The following ADAMTSL1 variants were observed in gnomAD, a reference collection of about 807,000 sequenced individuals.
The protein encoded by ADAMTSL1 is ADAMTS-like protein 1.
ADAMTSL1 carries 126 observed loss-of-function variants against 201.8 expected under a neutral mutation model. The observed-to-expected ratio is 0.62, with a 90% CI of 0.54 to 0.72. The LOEUF is 0.72. Among genes scored for constraint, ADAMTSL1 ranks in the 30% least tolerant of loss-of-function variants. ADAMTSL1 has a pLI of 0.00. For missense variants in ADAMTSL1, 2,679 were observed against 2,277.8 expected, an observed-to-expected ratio of 1.18 and a Z score of -3.59; for synonymous variants, 1,121 against 903.4, an observed-to-expected ratio of 1.24 and a Z score of -4.32.
At chr9:18,825,703 C>G (rs1202931882) in intron 21 of ADAMTSL1, among the ~76,000 whole-genome samples, 1 of 151,696 alleles carries the variant, frequency 6.6e-6, no homozygotes, top group Admixed American at 6.6e-5. Flanking sequence ...CCACTTGTCC[C>G]ATTTCTCAGT....
At chr9:18,375,956 G>C (rs1161489299) in intron 2 of ADAMTSL1, among the ~76,000 whole-genome samples, 2 of 152,188 alleles carry the variant, frequency 1.3e-5, no homozygotes, top group African/African-American at 4.8e-5. Context: ...CAAACCTCTA[G>C]CTAGCCACAG....
intron 14 of ADAMTSL1, 151 bp from the exon 15 acceptor site, chr9:18,721,385 G>T: frequency 1.9e-6 from 2 of 1,058,296 alleles, no homozygotes; most frequent in Non-Finnish European, 2.7e-6. Context: ...GACAAGATTG[G>T]CAGTCCTGGG....
At chr9:18,782,956 G>A (rs1315901731) in intron 19 of ADAMTSL1, among the ~76,000 whole-genome samples, 1 of 152,184 alleles carries the variant, frequency 6.6e-6, no homozygotes, top group Non-Finnish European at 1.5e-5. Flanking sequence ...CCAAGGGAAG[G>A]GGTTCGGGTT....
At chr9:18,129,091 G>A (rs2131956577) in intron 1 of ADAMTSL1, among the ~76,000 whole-genome samples, 1 of 152,150 alleles carries the variant, frequency 6.6e-6, no homozygotes, top group Admixed American at 6.5e-5. Flanking sequence ...GGTATAATCT[G>A]TTTTATATCT....
chr9:18,580,081 T>C (rs879663196), intron 4 of ADAMTSL1, among the ~76,000 whole-genome samples: 2 of 152,232 alleles, frequency 1.3e-5, no homozygotes, highest in Non-Finnish European at 2.9e-5. Context: ...ACAAGCCTTT[T>C]ATCATGAATC....
At chr9:18,503,699 A>AT (rs1564002150) in intron 1 of ADAMTSL1, among the ~76,000 whole-genome samples, 1 of 152,052 alleles carries the variant, frequency 6.6e-6, no homozygotes, top group East Asian at 1.9e-4. Context: ...CCTGCTCCTA[A>AT]TCACTGTGCT....
At chr9:17,931,094 C>A (rs1826764382) in intron 1 of ADAMTSL1, among the ~76,000 whole-genome samples, 1 of 152,090 alleles carries the variant, frequency 6.6e-6, no homozygotes, top group Non-Finnish European at 1.5e-5. Flanking sequence ...TCTGTTTAAA[C>A]AGAAAAAAAG....
At chr9:18,504,989 G>C (rs753067752) in intron 2 of ADAMTSL1, 33 bp downstream of exon 2, 1 of 1,583,490 alleles carries the variant, frequency 6.3e-7, no homozygotes, top group South Asian at 1.1e-5. Context: ...GTCTTTGTGA[G>C]AACCAGAGGT....
rs183258761 is a variant in ADAMTSL1 at position 18,160,658 on chromosome 9, A to G, written c.88-3204A>G. On this transcript the variant is annotated intron_variant, in intron 1 of 29. Coordinates refer to the ADAMTSL1 transcript ENST00000680146. ...GAGCATGGGAAATACAATTTTCTTT[A>G]TTTCTTTTTTTAATTAATTAATTAA... is the stretch of plus-strand genomic sequence containing the variant. Among the ~76,000 whole-genome samples the G allele has an allele frequency of 2.8e-4, 42 of 149,290 alleles. No homozygotes were observed. The East Asian group carries it at 7.9e-3, about 28-fold the overall frequency.
chr9:18,156,689 C>T (rs547859688), intron 1 of ADAMTSL1, among the ~76,000 whole-genome samples: 3 of 151,736 alleles, frequency 2.0e-5, no homozygotes, highest in African/African-American at 7.2e-5. Flanking sequence ...TCTATTTTGC[C>T]TTGTCATTAG....
chr9:18,736,622 C>A (rs1818513906), intron 15 of ADAMTSL1, among the ~76,000 whole-genome samples: 1 of 152,146 alleles, frequency 6.6e-6, no homozygotes, highest in Non-Finnish European at 1.5e-5. Flanking sequence ...ACAAGGTTGG[C>A]AAGAGGTAGA....
chr9:18,073,705 A>G (rs1382768884), intron 1 of ADAMTSL1, among the ~76,000 whole-genome samples: 2 of 152,218 alleles, frequency 1.3e-5, no homozygotes, highest in African/African-American at 2.4e-5. Flanking sequence ...GTTTTAAGAT[A>G]GAAGACAACA....
intron 3 of ADAMTSL1, among the ~76,000 whole-genome samples, chr9:18,568,005 A>G (rs1299738962): frequency 6.6e-6 from 1 of 152,150 alleles, no homozygotes; most frequent in African/African-American, 2.4e-5. Context: ...GCTGTAATAA[A>G]ACTTAAGTGA....
At chr9:18,220,427 A>G (rs1830211836) in intron 2 of ADAMTSL1, among the ~76,000 whole-genome samples, 1 of 152,074 alleles carries the variant, frequency 6.6e-6, no homozygotes, top group Non-Finnish European at 1.5e-5. Context: ...TCTGATTTTA[A>G]TATAGCTATA....
At chr9:18,792,075 G>GAAAAA (rs1822097997) in intron 19 of ADAMTSL1, among the ~76,000 whole-genome samples, 1 of 147,318 alleles carries the variant, frequency 6.8e-6, no homozygotes, top group African/African-American at 2.7e-5. Context: ...GTAGTTGTAT[G>GAAAAA]CAAAAAAAAA....
chr9:18,001,278 T>C (rs1184876054), intron 1 of ADAMTSL1, among the ~76,000 whole-genome samples: 2 of 151,986 alleles, frequency 1.3e-5, no homozygotes, highest in Admixed American at 1.3e-4. Context: ...TATCATGAAA[T>C]ATATAGGAGA....
intron 2 of ADAMTSL1, among the ~76,000 whole-genome samples, chr9:18,309,310 C>T (rs980000665): frequency 6.6e-6 from 1 of 152,098 alleles, no homozygotes; most frequent in Non-Finnish European, 1.5e-5. Flanking sequence ...CACTCCTATT[C>T]AACATAGTAT....
chr9:18,214,576 A>G (rs1436088400), intron 2 of ADAMTSL1, among the ~76,000 whole-genome samples: 1 of 152,226 alleles, frequency 6.6e-6, no homozygotes, highest in Non-Finnish European at 1.5e-5. Context: ...ATTATGTGAT[A>G]TAACAACAGT....
intron 1 of ADAMTSL1, among the ~76,000 whole-genome samples, chr9:17,994,090 TTGTGTGTGTG>T (rs367861504): frequency 1.7e-3 from 236 of 142,172 alleles, no homozygotes; most frequent in East Asian, 7.6e-3. Flanking sequence ...CAGAATCTCA[TTGTGTGTGTG>T]TGTGTGTGTG....
Sources: allele counts gnomAD v4.1 joint callset (sites outside exome capture counted in the v4.1 genomes callset), GRCh38; gene constraint gnomAD v4.1.1; transcripts MANE v1.5; gene names NCBI Gene and HGNC (gene_info 2026-07-23, HGNC 2026-07-21).